The following SLC26A5 variants were observed in gnomAD, a reference collection of about 807,000 sequenced individuals.
The protein encoded by SLC26A5 is prestin.
Under a neutral mutation model 81.0 loss-of-function variants are expected in SLC26A5, and 51 were observed. That is an observed-to-expected ratio of 0.63 (90% confidence interval 0.50 to 0.80). The LOEUF is 0.80. Ranked by LOEUF, SLC26A5 falls within the 30% of genes least tolerant of loss-of-function variation. SLC26A5 has a pLI of 0.00. For missense variants in SLC26A5, 771 were observed against 905.8 expected, an observed-to-expected ratio of 0.85 and a Z score of 1.91; for synonymous variants, 325 against 332.8, an observed-to-expected ratio of 0.98 and a Z score of 0.25.
chr7:103,400,191 T>C (rs1823475630), intron 8 of SLC26A5, among the ~76,000 whole-genome samples: 1 of 152,182 alleles, frequency 6.6e-6, no homozygotes, highest in Non-Finnish European at 1.5e-5. Flanking sequence ...CCACCAACAG[T>C]GTAAAAGCAT....
intron 19 of SLC26A5, chr7:103,362,689 G>C (rs1433167511): frequency 1.2e-6 from 2 of 1,600,826 alleles, no homozygotes; most frequent in African/African-American, 2.7e-5. Context: ...TCCTTAGCGT[G>C]GATAGAAATA....
chr7:103,385,673 G>A (rs1389485048), intron 14 of SLC26A5, among the ~76,000 whole-genome samples: 1 of 151,102 alleles, frequency 6.6e-6, no homozygotes, highest in East Asian at 1.9e-4. Flanking sequence ...AGAAAGAGAA[G>A]TAGAGCTTTT....
Position 103,367,360 on chromosome 7 carries a change from A to G in SLC26A5, c.2041+9448T>C. ...TTTTTGGTACTTTCAGGTCATGCAT[A>G]GTGCTACTCTTGAGTGGACTTGAAG... On this transcript the variant is annotated intron_variant, in intron 19 of 19. Coordinates refer to the SLC26A5 transcript ENST00000339444. The surrounding 1 kb of genome is among the most constrained non-coding windows in gnomAD (Gnocchi z 6.1). The G allele has an allele frequency of 6.4e-7, 1 of 1,566,720 alleles. No individual in the cohort carries two copies.
chr7:103,411,718 G>T, intron 5 of SLC26A5, 132 bp from the exon 6 acceptor site: 2 of 995,838 alleles, frequency 2.0e-6, no homozygotes, highest in Non-Finnish European at 3.1e-6. Context: ...CTTCTTTAGT[G>T]TCCTGCCCCT....
intron 9 of SLC26A5, among the ~76,000 whole-genome samples, chr7:103,395,123 C>G (rs1486510711): frequency 6.6e-6 from 1 of 152,160 alleles, no homozygotes; most frequent in African/African-American, 2.4e-5. Flanking sequence ...CCAACTGAGC[C>G]TAACCTACAC....
At chr7:103,381,023 T>C (rs1214093620) in intron 14 of SLC26A5, among the ~76,000 whole-genome samples, 2 of 149,090 alleles carry the variant, frequency 1.3e-5, no homozygotes, top group Non-Finnish European at 3.0e-5. Context: ...ACACACACAA[T>C]GCACACACAC....
intron 14 of SLC26A5, among the ~76,000 whole-genome samples, chr7:103,385,644 G>T (rs4286874): frequency 0.07 from 10,608 of 151,010 alleles, 457 homozygotes; most frequent in Admixed American, 0.13. Flanking sequence ...ATCAACTTCA[G>T]TTAACTATTA....
intron 6 of SLC26A5, 105 bp from the exon 7 acceptor site, chr7:103,410,654 T>G: frequency 9.0e-7 from 1 of 1,106,372 alleles, no homozygotes; most frequent in Non-Finnish European, 1.3e-6. Flanking sequence ...TTCTTTTTTT[T>G]TTGAGATGGA....
chr7:103,437,152 C>G (rs573289351), intron 2 of SLC26A5, among the ~76,000 whole-genome samples: 1 of 152,110 alleles, frequency 6.6e-6, no homozygotes, highest in Non-Finnish European at 1.5e-5. Flanking sequence ...TCTCAAAAGA[C>G]GCAGAAGTGG....
intron 2 of SLC26A5, among the ~76,000 whole-genome samples, chr7:103,426,857 T>G (rs1380941249): frequency 6.6e-6 from 1 of 152,208 alleles, no homozygotes; most frequent in Non-Finnish European, 1.5e-5. Flanking sequence ...TCCAGTGTGC[T>G]GATTGAAATT....
chr7:103,418,152 C>A (rs1047476478), intron 4 of SLC26A5, among the ~76,000 whole-genome samples: 1 of 152,210 alleles, frequency 6.6e-6, no homozygotes, highest in African/African-American at 2.4e-5. Context: ...ACACATCCAA[C>A]CCATCAGCCT....
At chr7:103,426,519 C>T (rs547818197) in intron 2 of SLC26A5, among the ~76,000 whole-genome samples, 3 of 152,154 alleles carry the variant, frequency 2.0e-5, no homozygotes, top group Admixed American at 2.0e-4. Flanking sequence ...ATCTGGCAAC[C>T]TTAACTCTCT....
At chr7:103,379,482 C>CAA in intron 15 of SLC26A5, 147 bp from the exon 16 acceptor site, 9 of 394,720 alleles carry the variant, frequency 2.3e-5, no homozygotes, top group South Asian at 1.1e-4. Context: ...CACACACAGA[C>CAA]CAAAAAAAAA....
At chr7:103,366,234 T>C (rs1289119422) in intron 19 of SLC26A5, 2 of 1,334,066 alleles carry the variant, frequency 1.5e-6, no homozygotes, top group Non-Finnish European at 2.1e-6. Context: ...TATGTCGTGA[T>C]ATGTTAATCT....
At chr7:103,400,032 T>A (rs1417626872) in intron 8 of SLC26A5, among the ~76,000 whole-genome samples, 1 of 150,150 alleles carries the variant, frequency 6.7e-6, no homozygotes, top group East Asian at 1.9e-4. Flanking sequence ...AATAAACACA[T>A]GTGTGGATGT....
chr7:103,356,785 A>T (rs916063758), intron 19 of SLC26A5, among the ~76,000 whole-genome samples: 1 of 152,204 alleles, frequency 6.6e-6, no homozygotes, highest in African/African-American at 2.4e-5. Context: ...GAGATAAAAT[A>T]TACCAATATT....
chr7:103,407,878 C>G lies in SLC26A5; in HGVS notation c.861G>C (p.Pro287=). Residue 287 remains proline (P), a synonymous_variant, in exon 8 of 20, where the codon CCG becomes CCC. Transcript: ENST00000306312. ...EFNERFKEKL[P]APIPLEFFAV... is the part of the protein sequence containing the mutation. The stretch of plus-strand genomic sequence containing the variant: ...CAAAGAACTCTAAAGGAATAGGCGC[C>G]GGCAATTTCTCTTTAAATCTCTCAT... The G allele has an allele frequency of 6.2e-7, 1 of 1,614,094 alleles. No individual in the cohort carries two copies. The highest frequency in any genetic ancestry group is 8.5e-7 in the Non-Finnish European group (1 of 1,180,010).
intron 19 of SLC26A5, among the ~76,000 whole-genome samples, chr7:103,361,527 A>G (rs1039306603): frequency 9.5e-5 from 14 of 147,850 alleles, no homozygotes; most frequent in Non-Finnish European, 1.6e-4. Context: ...AAAAAAAAAA[A>G]AAAAAAGAAA....
intron 8 of SLC26A5, among the ~76,000 whole-genome samples, chr7:103,400,403 C>G (rs1239202734): frequency 6.6e-6 from 1 of 152,184 alleles, no homozygotes; most frequent in Non-Finnish European, 1.5e-5. Context: ...CCTTTGCCCA[C>G]TTTTTCATAG....
Sources: allele counts gnomAD v4.1 joint callset (sites outside exome capture counted in the v4.1 genomes callset), GRCh38; gene constraint gnomAD v4.1.1; non-coding constraint Gnocchi (gnomAD v3.1); transcripts MANE v1.5; gene names NCBI Gene and HGNC (gene_info 2026-07-23, HGNC 2026-07-21).